Variants in TNR observed in about 807,000 individuals in gnomAD.
TNR encodes tenascin-R.
TNR carries 45 observed loss-of-function variants against 150.4 expected under a neutral mutation model. The ratio of observed to expected loss-of-function variants is 0.30; its 90% CI spans 0.24 to 0.38. TNR has a LOEUF of 0.38. TNR is among the 10% of genes least tolerant of loss of function. The probability of loss-of-function intolerance (pLI) is 1.00; values close to 1 mark genes in which losing one functional copy is unlikely to be tolerated. For synonymous variants in TNR, 687 were observed against 678.4 expected (o/e 1.01, Z -0.20); for missense variants, 1,544 against 1,759.1 (o/e 0.88, Z 2.19).
intron 1 of TNR, among the ~76,000 whole-genome samples, chr1:175,581,669 C>T (rs1414691663): frequency 6.6e-6 from 1 of 152,080 alleles, no homozygotes; most frequent in Non-Finnish European, 1.5e-5. Flanking sequence ...ATCTTTGGGG[C>T]ATTTTTTTCT....
chr1:175,714,807 A>G (rs542224293), intron 1 of TNR, among the ~76,000 whole-genome samples: 1 of 152,290 alleles, frequency 6.6e-6, no homozygotes, highest in South Asian at 2.1e-4. Context: ...GTGCAAGACA[A>G]TCAGCCCAGA....
At chr1:175,570,931 C>G (rs2102219408) in intron 1 of TNR, among the ~76,000 whole-genome samples, 1 of 152,324 alleles carries the variant, frequency 6.6e-6, no homozygotes, top group South Asian at 2.1e-4. Flanking sequence ...TCCTCCTTCT[C>G]TCACCCAATA....
intron 9 of TNR, among the ~76,000 whole-genome samples, chr1:175,372,461 A>T (rs1652152275): frequency 6.6e-6 from 1 of 152,246 alleles, no homozygotes; most frequent in African/African-American, 2.4e-5. Flanking sequence ...GGCTAAGATA[A>T]GGAAAGATAG....
intron 1 of TNR, among the ~76,000 whole-genome samples, chr1:175,588,994 A>G (rs1158344329): frequency 6.6e-6 from 1 of 151,992 alleles, no homozygotes. Flanking sequence ...AAAAATGCCA[A>G]CCTTCTGCCT....
chr1:175,378,785 C>T (rs1652529328), intron 9 of TNR, among the ~76,000 whole-genome samples: 1 of 152,168 alleles, frequency 6.6e-6, no homozygotes, highest in Admixed American at 6.5e-5. Flanking sequence ...CCAGGCAGGG[C>T]CTGGTGTCCA....
At chr1:175,355,893 T>C (rs1011364049) in intron 16 of TNR, among the ~76,000 whole-genome samples, 2 of 152,192 alleles carry the variant, frequency 1.3e-5, no homozygotes, top group African/African-American at 4.8e-5. Context: ...ACACTGACCT[T>C]CTATGCCTGA....
intron 1 of TNR, among the ~76,000 whole-genome samples, chr1:175,739,467 G>A (rs1205256721): frequency 1.3e-5 from 2 of 151,952 alleles, no homozygotes; most frequent in African/African-American, 2.4e-5. Flanking sequence ...ATATTTGTAC[G>A]TGTGTGCTGA....
At chr1:175,680,270 T>A (rs550005275) in intron 1 of TNR, among the ~76,000 whole-genome samples, 143 of 152,206 alleles carry the variant, frequency 9.4e-4, no homozygotes, top group Non-Finnish European at 1.3e-3. Flanking sequence ...TGAACATGGT[T>A]CCCATCTGCA....
At chr1:175,473,526 GA>G (rs1412072246) in intron 2 of TNR, among the ~76,000 whole-genome samples, 1 of 152,190 alleles carries the variant, frequency 6.6e-6, no homozygotes, top group Non-Finnish European at 1.5e-5. Flanking sequence ...TGGGAAAAAT[GA>G]CCCAATGCAC....
chr1:175,351,926 C>A (rs1455203086), intron 18 of TNR, among the ~76,000 whole-genome samples: 2 of 152,198 alleles, frequency 1.3e-5, no homozygotes, highest in African/African-American at 4.8e-5. Flanking sequence ...GCCCCAAGAG[C>A]CTGGTGTCAA....
At chr1:175,463,125 C>G (rs1405646674) in intron 2 of TNR, among the ~76,000 whole-genome samples, 1 of 152,132 alleles carries the variant, frequency 6.6e-6, no homozygotes, top group African/African-American at 2.4e-5. Context: ...TTAAAATATT[C>G]TATATCTGTT....
rs201862905 is a variant in TNR, at chr1:175,396,732, G to T, written c.1052C>A (p.Ala351Glu). ...GTAAGAGATCACATATTCCGTCACT[G>T]CCATCGGCCCGTCCCATTCCAGCTC... ...SIELEWDGPMAVTEYVISYQP... is the reference protein window; with the variant it reads ...SIELEWDGPMEVTEYVISYQP... Residue 351 changes from alanine (A) to glutamate (E), a missense_variant, in exon 5 of 23, where the codon GCA becomes GAA. By Grantham distance (107) the Ala-to-Glu change is moderately radical (BLOSUM62 -1). Transcript: ENST00000367674. 6.2e-6 allele frequency: 10 copies of T among 1,614,204 alleles called. No homozygotes were observed. In the East Asian group the frequency reaches 2.0e-4, roughly 32 times the overall value.
intron 2 of TNR, among the ~76,000 whole-genome samples, chr1:175,420,230 C>T (rs1654690105): frequency 6.6e-6 from 1 of 152,200 alleles, no homozygotes; most frequent in Non-Finnish European, 1.5e-5. Context: ...CCGTGGCTGT[C>T]CTGTGCCTGT....
chr1:175,563,725 A>G (rs1184168458), intron 1 of TNR, among the ~76,000 whole-genome samples: 1 of 152,182 alleles, frequency 6.6e-6, no homozygotes, highest in Non-Finnish European at 1.5e-5. Flanking sequence ...GGGAAAACGC[A>G]TCGCTATTGG....
intron 1 of TNR, among the ~76,000 whole-genome samples, chr1:175,534,667 G>A (rs1660199720): frequency 6.6e-6 from 1 of 152,206 alleles, no homozygotes; most frequent in Non-Finnish European, 1.5e-5. Context: ...TGAGATCTGT[G>A]GGACAGCTGG....
chr1:175,385,866 C>G (rs1411567791), intron 8 of TNR, among the ~76,000 whole-genome samples, 166 bp downstream of exon 8: 4 of 152,124 alleles, frequency 2.6e-5, no homozygotes, highest in Admixed American at 6.5e-5. Context: ...CGCTGCTTTT[C>G]CTGTATGCTG....
intron 12 of TNR, 106 bp downstream of exon 12, chr1:175,364,904 G>A (rs1355849054): frequency 3.6e-6 from 5 of 1,384,048 alleles, no homozygotes; most frequent in East Asian, 2.3e-5. Flanking sequence ...AGCCATAGAG[G>A]AAATCCCCTA....
chr1:175,604,758 C>T (rs937497227), intron 1 of TNR, among the ~76,000 whole-genome samples: 1 of 152,168 alleles, frequency 6.6e-6, no homozygotes, highest in Admixed American at 6.5e-5. Context: ...TCCTGTGCAC[C>T]TCCCATTTAT....
rs147440323 is a variant in TNR at position 175,586,586 on chromosome 1, G to A, written c.-164-58217C>T. 6.3e-3 allele frequency among the ~76,000 whole-genome samples: 955 copies of A among 152,208 alleles called. 8 individuals are homozygous for A. Among genetic ancestry groups the A allele is most frequent in the African/African-American group, 0.022 (917 of 41,524 alleles). Reference sequence around the variant, plus strand: ...CTCCCAAAGTGCTGGGACTACAAGCGTGAGCCACCGTGCCCAGCCCTGCTT... The same window carrying A: ...CTCCCAAAGTGCTGGGACTACAAGCATGAGCCACCGTGCCCAGCCCTGCTT... On this transcript the variant is annotated intron_variant, in intron 1 of 22. Coordinates refer to ENST00000367674, the MANE Select transcript of TNR (RefSeq NM_003285.3).
Sources: allele counts gnomAD v4.1 joint callset (sites outside exome capture counted in the v4.1 genomes callset), GRCh38; gene constraint gnomAD v4.1.1; transcripts MANE v1.5; gene names NCBI Gene and HGNC (gene_info 2026-07-23, HGNC 2026-07-21).